MARVELD2: variants seen among roughly 807,000 people sequenced by gnomAD.
MARVELD2 encodes the protein MARVEL domain-containing protein 2.
MARVELD2 carries 49 observed loss-of-function variants against 57.6 expected under a neutral mutation model. The ratio of observed to expected loss-of-function variants is 0.85; its 90% CI spans 0.68 to 1.08. MARVELD2 has a LOEUF of 1.08. Among genes scored for constraint, MARVELD2 ranks in the 50% least tolerant of loss-of-function variants. MARVELD2 has a pLI of 0.00. For synonymous variants in MARVELD2, 238 were observed against 258.8 expected, an observed-to-expected ratio of 0.92 and a Z score of 0.77; for missense variants, 606 against 701.1, an observed-to-expected ratio of 0.86 and a Z score of 1.53.
chr5:69,440,609 G>A, intron 6 of MARVELD2, 109 bp downstream of exon 6: 1 of 681,858 alleles, frequency 1.5e-6, no homozygotes, highest in Non-Finnish European at 2.6e-6. Context: ...TATTTCATGG[G>A]ATGCTCCTTT....
chr5:69,426,629 G>C (rs1000813810), intron 3 of MARVELD2, among the ~76,000 whole-genome samples: 2 of 151,780 alleles, frequency 1.3e-5, no homozygotes, highest in South Asian at 4.2e-4. Flanking sequence ...CACCGCGCCC[G>C]GCCTGGACAT....
At chr5:69,417,395 C>A (rs1766462795) in intron 1 of MARVELD2, among the ~76,000 whole-genome samples, 1 of 152,194 alleles carries the variant, frequency 6.6e-6, no homozygotes, top group Non-Finnish European at 1.5e-5. Flanking sequence ...CTGGTTTGTC[C>A]ACCAGTATAC....
At chr5:69,436,938 C>T (rs1195945097) in intron 5 of MARVELD2, among the ~76,000 whole-genome samples, 1 of 151,964 alleles carries the variant, frequency 6.6e-6, no homozygotes, top group African/African-American at 2.4e-5. Context: ...GCCTGACCAA[C>T]ATGGAGAAAC....
intron 3 of MARVELD2, among the ~76,000 whole-genome samples, chr5:69,432,154 G>T (rs1174065584): frequency 1.3e-5 from 2 of 151,918 alleles, no homozygotes; most frequent in Non-Finnish European, 2.9e-5. Context: ...GGGATTATAG[G>T]CACCCGCCAC....
At chr5:69,427,479 C>T (rs749837482) in intron 3 of MARVELD2, among the ~76,000 whole-genome samples, 59 of 151,436 alleles carry the variant, frequency 3.9e-4, no homozygotes, top group Non-Finnish European at 7.4e-4. Context: ...GGCACGATCT[C>T]GGCTCACCGC....
chr5:69,418,386 C>T (rs959894875), intron 1 of MARVELD2, among the ~76,000 whole-genome samples: 1 of 152,188 alleles, frequency 6.6e-6, no homozygotes. Context: ...CATGAATCAA[C>T]AGGCTTAGTA....
At chr5:69,423,840 CTT>C (rs1403584419) in intron 2 of MARVELD2, among the ~76,000 whole-genome samples, 1 of 152,116 alleles carries the variant, frequency 6.6e-6, no homozygotes, top group Non-Finnish European at 1.5e-5. Flanking sequence ...AAAAATGTGT[CTT>C]AGCATTTTAA....
intron 3 of MARVELD2, among the ~76,000 whole-genome samples, chr5:69,427,651 C>A (rs1025471935): frequency 6.6e-6 from 1 of 152,188 alleles, no homozygotes; most frequent in Non-Finnish European, 1.5e-5. Context: ...AAGCAAAGAA[C>A]GGTCATGTTA....
intron 2 of MARVELD2, among the ~76,000 whole-genome samples, chr5:69,421,091 C>T (rs1025585679): frequency 9.2e-5 from 14 of 151,888 alleles, no homozygotes; most frequent in African/African-American, 3.4e-4. Flanking sequence ...GATAATTTGT[C>T]TTTATTTGAG....
At chr5:69,438,445 A>G (rs1767223983) in intron 5 of MARVELD2, among the ~76,000 whole-genome samples, 1 of 152,172 alleles carries the variant, frequency 6.6e-6, no homozygotes, top group Non-Finnish European at 1.5e-5. Context: ...CAGTATGTAA[A>G]AGAGATTGAA....
intron 5 of MARVELD2, among the ~76,000 whole-genome samples, chr5:69,436,402 A>AAC (rs66984523): frequency 0.055 from 6,858 of 123,672 alleles, 193 homozygotes; most frequent in African/African-American, 0.083. Flanking sequence ...TATGTATGGG[A>AAC]ACACACACAC....
intron 5 of MARVELD2, among the ~76,000 whole-genome samples, chr5:69,435,195 G>A (rs749150123): frequency 2.1e-4 from 31 of 150,524 alleles, no homozygotes; most frequent in South Asian, 2.1e-4. Flanking sequence ...TGTATTTTTA[G>A]TAGAGGCAGG....
Position 69,420,033 on chromosome 5 carries a change from C to G in MARVELD2, c.648C>G (p.His216Gln), listed in dbSNP as rs1218200744. The change falls in exon 2 of 7, where the codon CAC becomes CAG. Residue 216 changes from histidine (H) to glutamine (Q), a missense_variant. Coordinates refer to ENST00000325631, the MANE Select transcript of MARVELD2 (RefSeq NM_001038603.3). ...TTGCTTGTGTCACAGCTTACATTCA[C>G]AAGGACAGTGAGTGGTACAACTTGT... ...GVFACVTAYI[H>Q]KDSEWYNLFG... The G allele has an allele frequency of 6.2e-7, 1 of 1,614,132 alleles. No individual in the cohort carries two copies.
rs560859954 is a variant in MARVELD2 at position 69,429,524 on chromosome 5, A to G, written c.1183-3003A>G. Among the ~76,000 whole-genome samples, 28 of 152,268 alleles carry G rather than the reference A, an allele frequency of 1.8e-4. No individual in the cohort carries two copies. In the East Asian group the frequency reaches 4.8e-3, roughly 26 times the overall value. On this transcript the variant is annotated intron_variant, in intron 3 of 6. Transcript: ENST00000325631. ...GAGGTTACTGCTCCAAAGAGGAATC[A>G]TGTTCCCAAGCACGATCTTACTTTC... is the stretch of plus-strand genomic sequence containing the variant.
intron 6 of MARVELD2, among the ~76,000 whole-genome samples, chr5:69,441,187 G>C (rs983503234): frequency 2.0e-5 from 3 of 151,590 alleles, no homozygotes; most frequent in African/African-American, 7.3e-5. Context: ...TTGGCATGTT[G>C]CCTAAGCTGG....
chr5:69,425,179 G>T (rs1169796223), intron 3 of MARVELD2, among the ~76,000 whole-genome samples: 1 of 146,410 alleles, frequency 6.8e-6, no homozygotes, highest in Non-Finnish European at 1.5e-5. Flanking sequence ...TCACTCATAG[G>T]TGGGAATTGA....
Position 69,441,770 on chromosome 5 carries a change from C to T in MARVELD2, c.*116C>T, listed in dbSNP as rs1767336033. ...CAATCTCGGCTCACTGCAACCTCCA[C>T]CTCCCGGGTTCAAGCAATTCTCCTG... On this transcript the variant is annotated 3_prime_UTR_variant, in exon 7 of 7. Coordinates refer to ENST00000325631, the MANE Select transcript of MARVELD2 (RefSeq NM_001038603.3). 1 of 706,984 alleles carries T rather than the reference C, an allele frequency of 1.4e-6. No individual in the cohort carries two copies. Among genetic ancestry groups the T allele is most frequent in the Admixed American group, 2.5e-5 (1 of 40,072 alleles). The allele number at this position is 706,984 out of a possible 1,614,324, so 43.8% of individuals were successfully genotyped here. A position where few individuals can be genotyped will look rare whatever the true frequency, so the allele number is the denominator to read the frequency against.
Position 69,420,086 on chromosome 5 carries a change from G to T in MARVELD2, c.701G>T (p.Gly234Val), listed in dbSNP as rs778025406. Residue 234 changes from glycine to valine, a missense_variant, in exon 2 of 7, where the codon GGA becomes GTA. Gly to Val is a moderately radical substitution (Grantham distance 109). Coordinates refer to ENST00000325631, the MANE Select transcript of MARVELD2 (RefSeq NM_001038603.3). ...GGATATTCACAACCGTATGGCATGG[G>T]AGGCGTTGGTGGATTGGGCAGTATG... The part of the protein sequence containing the change: ...LFGYSQPYGM[G>V]GVGGLGSMYG... 6.2e-7 allele frequency: 1 copy of T among 1,614,160 alleles called. No individual in the cohort carries two copies. Among genetic ancestry groups the T allele is most frequent in the South Asian group, 1.1e-5 (1 of 91,078 alleles).
chr5:69,424,588 CTT>C lies in MARVELD2; in HGVS notation c.1147-9_1147-8del. ...ATGCCTTTGAAAAACTATTTGAACT[CTT>C]TTTGTTCCAGATAAATGAGCCATCA... On this transcript the variant is annotated splice_polypyrimidine_tract_variant and intron_variant, in intron 2 of 6. Transcript: ENST00000325631. 2 of 1,602,576 alleles carry C rather than the reference CTT, an allele frequency of 1.2e-6. No individual in the cohort carries two copies. Among genetic ancestry groups the C allele is most frequent in the South Asian group, 1.1e-5 (1 of 90,924 alleles).
Sources: allele counts gnomAD v4.1 joint callset (sites outside exome capture counted in the v4.1 genomes callset), GRCh38; gene constraint gnomAD v4.1.1; transcripts MANE v1.5; gene names NCBI Gene and HGNC (gene_info 2026-07-23, HGNC 2026-07-21).